DPP10: variants seen among roughly 807,000 people sequenced by gnomAD.
DPP10 encodes the protein dipeptidyl peptidase like 10, also known as inactive dipeptidyl peptidase 10.
DPP10 carries 33 observed loss-of-function variants against 120.9 expected under a neutral mutation model. The observed-to-expected ratio is 0.27, with a 90% confidence interval of 0.21 to 0.37. The LOEUF is 0.37. Ranked by LOEUF, DPP10 falls within the 10% of genes least tolerant of loss-of-function variation. The probability of loss-of-function intolerance (pLI) is 1.00; values close to 1 mark genes in which losing one functional copy is unlikely to be tolerated. For missense variants in DPP10, 816 were observed against 942.8 expected (o/e 0.87, Z 1.76); for synonymous variants, 337 against 326.1 (o/e 1.03, Z -0.36).
At chr2:115,836,099 A>ATG (rs10549769) in intron 21 of DPP10, 58 bp from the exon 22 acceptor site, 25 of 608,188 alleles carry the variant, frequency 4.1e-5, no homozygotes, top group African/African-American at 2.8e-4. Context: ...GTGTGTGTGT[A>ATG]TGTGTGTGTG....
chr2:115,531,292 G>A (rs973821311), intron 5 of DPP10, among the ~76,000 whole-genome samples: 2 of 151,942 alleles, frequency 1.3e-5, no homozygotes, highest in Non-Finnish European at 2.9e-5. Context: ...AGCAATCTGT[G>A]GTTTGACAAG....
intron 1 of DPP10, among the ~76,000 whole-genome samples, chr2:114,986,945 T>TA (rs1228323760): frequency 1.3e-5 from 2 of 151,940 alleles, no homozygotes; most frequent in Non-Finnish European, 2.9e-5. Flanking sequence ...CTAATTTTTT[T>TA]TTATTATTAT....
intron 1 of DPP10, among the ~76,000 whole-genome samples, chr2:115,289,058 C>A (rs747409336): frequency 1.3e-5 from 2 of 152,052 alleles, no homozygotes; most frequent in Non-Finnish European, 2.9e-5. Flanking sequence ...AAGATTCCCC[C>A]AAAACACTCC....
chr2:115,192,324 A>G (rs1249651209), intron 1 of DPP10, among the ~76,000 whole-genome samples: 1 of 152,244 alleles, frequency 6.6e-6, no homozygotes, highest in Non-Finnish European at 1.5e-5. Flanking sequence ...TGTGTAATCA[A>G]TCTAGGTACT....
At chr2:115,561,750 T>C (rs1013494540) in intron 5 of DPP10, among the ~76,000 whole-genome samples, 10 of 152,224 alleles carry the variant, frequency 6.6e-5, no homozygotes, top group African/African-American at 2.4e-4. Context: ...TCTTAATCTT[T>C]TTAAGTTTTT....
chr2:114,938,268 A>G (rs79695754), intron 1 of DPP10, among the ~76,000 whole-genome samples: 1 of 152,186 alleles, frequency 6.6e-6, no homozygotes, highest in Non-Finnish European at 1.5e-5. Context: ...TTTCTAAAAT[A>G]TGATATTAAG....
intron 1 of DPP10, among the ~76,000 whole-genome samples, chr2:114,934,734 A>G (rs1375380848): frequency 1.3e-5 from 2 of 152,128 alleles, no homozygotes; most frequent in Admixed American, 6.6e-5. Context: ...AAGATGGCAT[A>G]TAGGAGGTGA....
At chr2:115,000,901 A>T (rs2104999430) in intron 1 of DPP10, among the ~76,000 whole-genome samples, 1 of 125,514 alleles carries the variant, frequency 8.0e-6, no homozygotes, top group South Asian at 3.1e-4. Flanking sequence ...TTGTGATTAT[A>T]CAAGAAAAAA....
At chr2:115,649,520 G>T (rs2087564927) in intron 5 of DPP10, among the ~76,000 whole-genome samples, 1 of 151,962 alleles carries the variant, frequency 6.6e-6, no homozygotes, top group Admixed American at 6.6e-5. Context: ...ATTGATCAAT[G>T]TCCTAGTAAT....
intron 1 of DPP10, among the ~76,000 whole-genome samples, chr2:115,273,146 C>G (rs1469161096): frequency 1.3e-5 from 2 of 151,932 alleles, no homozygotes; most frequent in African/African-American, 2.4e-5. Flanking sequence ...GTTTATCTTT[C>G]CCCCTTCAAT....
At chr2:114,631,373 C>T (rs948118887) in intron 1 of DPP10, among the ~76,000 whole-genome samples, 3 of 152,070 alleles carry the variant, frequency 2.0e-5, no homozygotes, top group Non-Finnish European at 4.4e-5. Context: ...CCTGCTCTAC[C>T]CCGCCTCTAT....
intron 1 of DPP10, among the ~76,000 whole-genome samples, chr2:115,208,124 G>A (rs2056273189): frequency 6.6e-6 from 1 of 151,708 alleles, no homozygotes; most frequent in Admixed American, 6.6e-5. Context: ...AAGCTTTAAA[G>A]CTAGATAGTA....
At chr2:114,612,168 C>T (rs1387596037) in intron 1 of DPP10, among the ~76,000 whole-genome samples, 1 of 152,200 alleles carries the variant, frequency 6.6e-6, no homozygotes, top group Non-Finnish European at 1.5e-5. Context: ...CCAGGCCCTG[C>T]ACGGATGGCA....
intron 1 of DPP10, among the ~76,000 whole-genome samples, chr2:115,267,536 T>C (rs761798567): frequency 1.3e-4 from 20 of 152,150 alleles, no homozygotes; most frequent in Non-Finnish European, 1.9e-4. Flanking sequence ...TTTATTATCA[T>C]GTAACTGCAT....
chr2:114,451,297 T>G (rs746458894), intron 1 of DPP10, among the ~76,000 whole-genome samples: 3 of 152,140 alleles, frequency 2.0e-5, no homozygotes, highest in Non-Finnish European at 4.4e-5. Flanking sequence ...AGCACTGGAC[T>G]CGTTCTCTCA....
intron 1 of DPP10, among the ~76,000 whole-genome samples, chr2:114,595,562 G>C (rs1691837692): frequency 6.6e-6 from 1 of 152,152 alleles, no homozygotes; most frequent in Admixed American, 6.6e-5. Context: ...TTATTTTAAT[G>C]ACACATAGTT....
intron 8 of DPP10, among the ~76,000 whole-genome samples, chr2:115,739,015 C>G (rs1281808303): frequency 1.3e-5 from 2 of 152,120 alleles, no homozygotes; most frequent in African/African-American, 2.4e-5. Context: ...TGAGCCATTA[C>G]TAGACACATA....
intron 1 of DPP10, among the ~76,000 whole-genome samples, chr2:115,040,829 C>G (rs1704580943): frequency 6.6e-6 from 1 of 152,042 alleles, no homozygotes; most frequent in Non-Finnish European, 1.5e-5. Flanking sequence ...TTGAAAGTTT[C>G]CTGAGGCTGC....
intron 5 of DPP10, among the ~76,000 whole-genome samples, chr2:115,564,181 ATTT>A (rs2080854792): frequency 6.6e-6 from 1 of 151,112 alleles, no homozygotes; most frequent in Non-Finnish European, 1.5e-5. Context: ...GATGGAATAT[ATTT>A]AATAAAATGA....
Sources: gnomAD v4.1 joint callset for allele counts (sites outside exome capture counted in the v4.1 genomes callset) on GRCh38, gnomAD v4.1.1 for gene constraint, MANE v1.5 for transcripts, NCBI Gene and HGNC (gene_info 2026-07-23, HGNC 2026-07-21) for gene names.